The following SIPA1L2 variants were observed in gnomAD, a reference collection of about 807,000 sequenced individuals.
SIPA1L2 encodes the protein signal induced proliferation associated 1 like 2.
Under a neutral mutation model 163.9 loss-of-function variants are expected in SIPA1L2, and 56 were observed. That is an observed-to-expected ratio of 0.34 (90% confidence interval 0.28 to 0.43). The LOEUF is 0.43. SIPA1L2 is among the 20% of genes least tolerant of loss of function. The pLI, the probability that SIPA1L2 is intolerant of heterozygous loss-of-function variation, is 1.00. For missense variants in SIPA1L2, 1,974 were observed against 2,193.5 expected (o/e 0.90, Z 2.00); for synonymous variants, 877 against 865.7 (o/e 1.01, Z -0.23).
At chr1:232,584,041 C>G (rs1466360549) in intron 1 of SIPA1L2, among the ~76,000 whole-genome samples, 3 of 152,108 alleles carry the variant, frequency 2.0e-5, no homozygotes, top group African/African-American at 7.2e-5. Flanking sequence ...TAAAAACTGG[C>G]CATAAAGAAA....
intron 3 of SIPA1L2, among the ~76,000 whole-genome samples, chr1:232,512,813 AT>A (rs200029650): frequency 2.0e-5 from 3 of 152,240 alleles, no homozygotes; most frequent in East Asian, 1.9e-4. Context: ...AAAAAAAAAA[AT>A]AAATAAATAA....
chr1:232,555,959 C>T (rs1041326021), intron 2 of SIPA1L2, among the ~76,000 whole-genome samples: 1 of 152,188 alleles, frequency 6.6e-6, no homozygotes, highest in African/African-American at 2.4e-5. Context: ...TTTGCAGAGA[C>T]GGCAAGCCAT....
At chr1:232,517,968 G>A (rs1214452356) in intron 2 of SIPA1L2, among the ~76,000 whole-genome samples, 1 of 152,062 alleles carries the variant, frequency 6.6e-6, no homozygotes, top group Non-Finnish European at 1.5e-5. Context: ...GATCCCTTGA[G>A]CCCAGGAATT....
Position 232,479,817 on chromosome 1 carries a change from A to G in SIPA1L2, c.1982-87T>C, listed in dbSNP as rs1665233408. 4 of 1,100,750 alleles carry G rather than the reference A, an allele frequency of 3.6e-6. No homozygotes were observed. In the South Asian group the frequency reaches 5.3e-5, roughly 15 times the overall value. The allele number at this position is 1,100,750 out of a possible 1,614,324, so 68.2% of individuals were successfully genotyped here. The stretch of plus-strand genomic sequence containing the variant: ...TTAAAAGGTTACTGTTGCAAAAACA[A>G]AAAACAAAAAACACCAAGCTCTACC... On this transcript the variant is annotated intron_variant, in intron 6 of 22. Transcript: ENST00000674635.
At chr1:232,602,742 G>A (rs1249969732) in intron 1 of SIPA1L2, among the ~76,000 whole-genome samples, 4 of 152,232 alleles carry the variant, frequency 2.6e-5, no homozygotes, top group East Asian at 1.9e-4. Flanking sequence ...AACTGGAGAC[G>A]GAGAGATGAG....
intron 8 of SIPA1L2, among the ~76,000 whole-genome samples, chr1:232,468,935 G>A (rs958889457): frequency 6.6e-6 from 1 of 152,168 alleles, no homozygotes; most frequent in Non-Finnish European, 1.5e-5. Flanking sequence ...GAGATGTTTC[G>A]TGGGGCTCTG....
chr1:232,443,643 G>T lies in SIPA1L2; in HGVS notation c.3396C>A (p.Pro1132=). The change falls in exon 12 of 23, where the codon CCC becomes CCA. Residue 1132 remains proline, a synonymous_variant. Coordinates refer to ENST00000674635, the MANE Select transcript of SIPA1L2 (RefSeq NM_020808.5). ...SNQSSSSDPG[P]GGSGPWRPQV... ...GTGGTCTCCAGGGTCCGCTCCCGCC[G>T]GGTCCAGGGTCGCTGGAGGATGACT... 6.2e-7 allele frequency: 1 copy of T among 1,609,270 alleles called. No individual in the cohort carries two copies. Among genetic ancestry groups the T allele is most frequent in the Non-Finnish European group, 8.5e-7 (1 of 1,177,874 alleles).
rs538651337 is a variant in SIPA1L2 at position 232,630,061 on chromosome 1, G to A, written c.-511C>T. ...GCTCTCGGCCTGCGCTCGGGCGGCCGGCGGGGGCGCGGTGCTCCTCCTCCG... is the reference window on the plus strand; with the variant it reads ...GCTCTCGGCCTGCGCTCGGGCGGCCAGCGGGGGCGCGGTGCTCCTCCTCCG... On this transcript the variant is annotated 5_prime_UTR_variant, in exon 1 of 23. Transcript: ENST00000674635. Among the ~76,000 whole-genome samples the A allele has an allele frequency of 3.7e-3, 549 of 150,222 alleles. 6 individuals are homozygous for A. Among genetic ancestry groups the A allele is most frequent in the Non-Finnish European group, 2.6e-3 (174 of 67,168 alleles).
chr1:232,616,780 C>T (rs938729669), intron 1 of SIPA1L2, among the ~76,000 whole-genome samples: 2 of 152,190 alleles, frequency 1.3e-5, no homozygotes, highest in East Asian at 1.9e-4. Flanking sequence ...CACCATTAAC[C>T]CGGTACAGCT....
chr1:232,591,175 C>T (rs1660939314), intron 1 of SIPA1L2, among the ~76,000 whole-genome samples: 2 of 152,176 alleles, frequency 1.3e-5, no homozygotes, highest in South Asian at 2.1e-4. Context: ...AGCCAAAAAG[C>T]ATTTAAATGG....
chr1:232,603,394 G>T (rs747572935), intron 1 of SIPA1L2, among the ~76,000 whole-genome samples: 38 of 148,428 alleles, frequency 2.6e-4, no homozygotes, highest in Non-Finnish European at 4.6e-4. Flanking sequence ...TGAGACCCCA[G>T]TGTTTAAAAG....
At chr1:232,599,430 G>C (rs1274700174) in intron 1 of SIPA1L2, among the ~76,000 whole-genome samples, 1 of 152,230 alleles carries the variant, frequency 6.6e-6, no homozygotes, top group African/African-American at 2.4e-5. Context: ...CTGCCAGTAA[G>C]AACAGTGGCC....
intron 3 of SIPA1L2, among the ~76,000 whole-genome samples, chr1:232,503,053 C>T (rs911578637): frequency 1.3e-5 from 2 of 152,170 alleles, no homozygotes; most frequent in Non-Finnish European, 2.9e-5. Context: ...GGGTTGTGTG[C>T]ATTCAGACCC....
intron 19 of SIPA1L2, among the ~76,000 whole-genome samples, chr1:232,406,227 C>T (rs1238712673): frequency 6.6e-6 from 1 of 152,126 alleles, no homozygotes; most frequent in African/African-American, 2.4e-5. Flanking sequence ...ATGGCACCAA[C>T]AAAACCATCA....
intron 8 of SIPA1L2, 144 bp downstream of exon 8, chr1:232,471,227 G>A: frequency 1.2e-6 from 1 of 853,112 alleles, no homozygotes; most frequent in Non-Finnish European, 1.8e-6. Context: ...TGGGAAGAAG[G>A]CAATTATTTC....
intron 1 of SIPA1L2, among the ~76,000 whole-genome samples, chr1:232,581,679 T>G (rs984106385): frequency 6.6e-6 from 1 of 152,166 alleles, no homozygotes; most frequent in African/African-American, 2.4e-5. Context: ...TTCAAATAAT[T>G]CCTTAATATG....
At chr1:232,451,574 A>G (rs547914162) in intron 10 of SIPA1L2, among the ~76,000 whole-genome samples, 7 of 152,360 alleles carry the variant, frequency 4.6e-5, no homozygotes, top group African/African-American at 1.4e-4. Flanking sequence ...CAACATTTTT[A>G]AAGAAAAGAC....
chr1:232,429,132 A>C (rs1188943433), intron 16 of SIPA1L2, among the ~76,000 whole-genome samples: 1 of 152,248 alleles, frequency 6.6e-6, no homozygotes, highest in Non-Finnish European at 1.5e-5. Flanking sequence ...ATTGACAGAC[A>C]ACAAAGGAGT....
chr1:232,437,051 T>C (rs1232024271), intron 15 of SIPA1L2, among the ~76,000 whole-genome samples: 2 of 152,220 alleles, frequency 1.3e-5, no homozygotes, highest in African/African-American at 2.4e-5. Context: ...GTCATATACT[T>C]TCTAATAGTC....
Sources: gnomAD v4.1 joint callset for allele counts (sites outside exome capture counted in the v4.1 genomes callset) on GRCh38, gnomAD v4.1.1 for gene constraint, MANE v1.5 for transcripts, NCBI Gene and HGNC (gene_info 2026-07-23, HGNC 2026-07-21) for gene names.